The following PTPRZ1 variants were observed in gnomAD, a reference collection of about 807,000 sequenced individuals.
PTPRZ1 encodes protein tyrosine phosphatase receptor type Z1, also known as receptor-type tyrosine-protein phosphatase zeta.
A neutral mutation model predicts 214.1 loss-of-function variants in PTPRZ1; 82 were observed. That is an observed-to-expected ratio of 0.38 (90% CI 0.32 to 0.46). The LOEUF is 0.46. Among genes scored for constraint, PTPRZ1 ranks in the 20% least tolerant of loss-of-function variants. The pLI is 1.00. For missense variants in PTPRZ1, 2,603 were observed against 2,748.7 expected, an observed-to-expected ratio of 0.95 and a Z score of 1.19; for synonymous variants, 945 against 987.9, an observed-to-expected ratio of 0.96 and a Z score of 0.81.
intron 2 of PTPRZ1, among the ~76,000 whole-genome samples, chr7:121,928,843 G>C (rs2116374972): frequency 6.6e-6 from 1 of 152,288 alleles, no homozygotes; most frequent in East Asian, 1.9e-4. Flanking sequence ...CAGAAACTCT[G>C]GGAGAGAAAG....
At chr7:121,974,443 A>G (rs2690272) in intron 4 of PTPRZ1, among the ~76,000 whole-genome samples, 85,087 of 151,986 alleles carry the variant, frequency 0.56, 24,258 homozygotes, top group African/African-American at 0.65. Context: ...ATTTTAATGC[A>G]AAAGCCTCTC....
At chr7:121,982,993 G>A (rs188050651) in intron 6 of PTPRZ1, among the ~76,000 whole-genome samples, 17 of 152,196 alleles carry the variant, frequency 1.1e-4, no homozygotes, top group African/African-American at 4.1e-4. Flanking sequence ...TAGCCAGGAT[G>A]GTCTCGAACT....
chr7:122,003,578 T>G (rs1798388809), intron 10 of PTPRZ1, among the ~76,000 whole-genome samples: 1 of 152,154 alleles, frequency 6.6e-6, no homozygotes, highest in African/African-American at 2.4e-5. Context: ...GAGTATGCAT[T>G]TCCTTTGAGG....
At chr7:122,044,671 C>T in intron 23 of PTPRZ1, 103 bp downstream of exon 23, 1 of 1,179,606 alleles carries the variant, frequency 8.5e-7, no homozygotes, top group Non-Finnish European at 1.2e-6. Context: ...AGTATGGGTA[C>T]AATGACTTTG....
chr7:122,060,820 A>G (rs141167436), intron 29 of PTPRZ1, among the ~76,000 whole-genome samples: 80 of 152,326 alleles, frequency 5.3e-4, no homozygotes, highest in African/African-American at 1.8e-3. Context: ...TTCTGATTTC[A>G]TGAATAAGAA....
At chr7:121,901,928 T>C (rs1001267994) in intron 1 of PTPRZ1, among the ~76,000 whole-genome samples, 4 of 152,204 alleles carry the variant, frequency 2.6e-5, no homozygotes, top group Non-Finnish European at 4.4e-5. Context: ...GTCACCCTAC[T>C]GTGCAGTAGA....
chr7:122,012,608 G>C lies in PTPRZ1; in HGVS notation c.3562G>C (p.Ala1188Pro), dbSNP rs1465290271. The C allele has an allele frequency of 1.9e-6, 3 of 1,613,716 alleles. No individual in the cohort carries two copies. The highest frequency in any genetic ancestry group is 2.5e-6 in the Non-Finnish European group (3 of 1,179,732). ...TEVLLQPSFQ[A>P]SDVDTLLKTV... is the part of the protein sequence containing the mutation. ...AGTATTGCTACAACCTTCCTTTCAGGCTTCTGATGTTGACACCTTGCTTAA... is the reference window on the plus strand; with the variant it reads ...AGTATTGCTACAACCTTCCTTTCAGCCTTCTGATGTTGACACCTTGCTTAA... Residue 1188 changes from alanine (A) to proline (P), a missense_variant, in exon 12 of 30, where the codon GCT becomes CCT. Coordinates refer to ENST00000393386, the MANE Select transcript of PTPRZ1 (RefSeq NM_002851.3).
At chr7:121,972,508 G>A in intron 3 of PTPRZ1, 33 bp from the exon 4 acceptor site, 1 of 1,531,506 alleles carries the variant, frequency 6.5e-7, no homozygotes, top group Non-Finnish European at 8.8e-7. Flanking sequence ...TTGATTTTCA[G>A]AAGCTTAGGT....
intron 8 of PTPRZ1, among the ~76,000 whole-genome samples, chr7:121,993,572 C>CAAAA (rs66916301): frequency 4.2e-4 from 31 of 73,576 alleles, no homozygotes; most frequent in African/African-American, 1.3e-3. Context: ...GAGACTGTCT[C>CAAAA]AAAAAAAAAA....
At chr7:121,944,301 A>ATCCTGACTCCAGAAGATTTACCTGAC (rs1796312223) in intron 2 of PTPRZ1, among the ~76,000 whole-genome samples, 1 of 152,122 alleles carries the variant, frequency 6.6e-6, no homozygotes, top group East Asian at 1.9e-4. Flanking sequence ...ACTCCAGAAG[A>ATCCTGACTCCAGAAGATTTACCTGAC]TCCTGGGTCC....
chr7:122,031,534 G>A lies in PTPRZ1; in HGVS notation c.5141G>A (p.Ser1714Asn), dbSNP rs1562872724. The change falls in exon 15 of 30, where the codon AGT becomes AAT. Residue 1714 changes from serine to asparagine, a missense_variant. This residue lies in a region of PTPRZ1 where 1,913 missense variants were observed against 1,914.3 expected (regional missense o/e 1.00). Coordinates refer to ENST00000393386, the MANE Select transcript of PTPRZ1 (RefSeq NM_002851.3). ...AAGCATGTTGCAGATTTACATGCAA[G>A]TAGTGGGTTTACTGAAGAATTTGAG... ...FPKHVADLHA[S>N]SGFTEEFETL... 2 of 1,609,490 alleles carry A rather than the reference G, an allele frequency of 1.2e-6. No individual in the cohort carries two copies. The highest frequency in any genetic ancestry group is 1.7e-6 in the Non-Finnish European group (2 of 1,177,124).
At chr7:121,888,006 A>G (rs1277519510) in intron 1 of PTPRZ1, among the ~76,000 whole-genome samples, 3 of 152,066 alleles carry the variant, frequency 2.0e-5, no homozygotes, top group Non-Finnish European at 4.4e-5. Context: ...TTTTACAGCC[A>G]TTGGTTACCT....
chr7:122,036,917 A>G (rs1268668200), intron 18 of PTPRZ1, among the ~76,000 whole-genome samples: 1 of 152,226 alleles, frequency 6.6e-6, no homozygotes, highest in Non-Finnish European at 1.5e-5. Context: ...AAAGGAATTC[A>G]TGATGGGAGT....
chr7:121,968,733 C>T (rs1378199228), intron 3 of PTPRZ1, among the ~76,000 whole-genome samples: 2 of 151,026 alleles, frequency 1.3e-5, no homozygotes, highest in African/African-American at 2.4e-5. Flanking sequence ...AAAAGTGACA[C>T]CTTTTCTTTT....
intron 1 of PTPRZ1, among the ~76,000 whole-genome samples, chr7:121,913,002 T>C (rs1178692217): frequency 2.6e-5 from 4 of 152,176 alleles, no homozygotes. Context: ...ACAGAGCACG[T>C]TTGCCTAGGT....
At chr7:121,963,019 C>CT (rs1170097341) in intron 2 of PTPRZ1, among the ~76,000 whole-genome samples, 1 of 151,242 alleles carries the variant, frequency 6.6e-6, no homozygotes, top group African/African-American at 2.4e-5. Flanking sequence ...GGTTTTTCCA[C>CT]TAAAAAAAAA....
At position 121,873,431 on chromosome 7, in the gene PTPRZ1, C is replaced by A. The variant is rs1793944970; in HGVS notation, c.-69C>A. On this transcript the variant is annotated 5_prime_UTR_variant, in exon 1 of 30. Transcript: ENST00000393386. ...AAACAAACAAAAAAAACATTTCCTT[C>A]GCTCCCCCTCCCTCTCCACTCTGAG... The A allele has an allele frequency of 1.3e-6, 2 of 1,513,252 alleles. No individual in the cohort carries two copies. The highest frequency in any genetic ancestry group is 1.8e-5 in the Admixed American group (1 of 56,956). 93.7% of individuals were successfully genotyped at this position (1,513,252 alleles called of 1,614,324 possible).
intron 1 of PTPRZ1, among the ~76,000 whole-genome samples, chr7:121,907,607 T>C (rs1380281710): frequency 6.6e-6 from 1 of 152,006 alleles, no homozygotes; most frequent in African/African-American, 2.4e-5. Flanking sequence ...CTCAATTTTT[T>C]CAAGGTTTAG....
At chr7:121,998,696 G>C (rs1798222224) in intron 10 of PTPRZ1, among the ~76,000 whole-genome samples, 1 of 152,100 alleles carries the variant, frequency 6.6e-6, no homozygotes, top group Non-Finnish European at 1.5e-5. Flanking sequence ...ACATAATTAA[G>C]TTAGTTTTCC....
Sources: gnomAD v4.1 joint callset for allele counts (sites outside exome capture counted in the v4.1 genomes callset) on GRCh38, gnomAD v4.1.1 for gene constraint, gnomAD v4.1.1 regional missense constraint, MANE v1.5 for transcripts, NCBI Gene and HGNC (gene_info 2026-07-23, HGNC 2026-07-21) for gene names.